The following LHFPL6 variants were observed in gnomAD, a reference collection of about 807,000 sequenced individuals.
LHFPL6 encodes the protein LHFPL tetraspan subfamily member 6.
In LHFPL6, 9 loss-of-function variants were observed where a neutral mutation model predicts 20.6. The ratio of observed to expected loss-of-function variants is 0.44; its 90% CI spans 0.26 to 0.76. The LOEUF (loss-of-function observed/expected upper bound fraction) is 0.76, where lower values mean the gene tolerates loss of function less well. Among genes scored for constraint, LHFPL6 ranks in the 30% least tolerant of loss-of-function variants. The probability of loss-of-function intolerance (pLI) is 0.20; values close to 1 mark genes in which losing one functional copy is unlikely to be tolerated. For missense variants in LHFPL6, 218 were observed against 253.5 expected (o/e 0.86, Z 0.95); for synonymous variants, 105 against 98.7 (o/e 1.06, Z -0.38).
rs1028988265 is a variant in LHFPL6 at position 39,452,959 on chromosome 13, T to C, written c.386-74433A>G. On this transcript the variant is annotated intron_variant, in intron 2 of 3. Coordinates refer to ENST00000379589, the MANE Select transcript of LHFPL6 (RefSeq NM_005780.3). Reference sequence around the variant, plus strand: ...TTCCCCCAGAGATAGTGATAGAGATTGTTACTTTTGCCAGAGGCAGCCTGG... The same window carrying C: ...TTCCCCCAGAGATAGTGATAGAGATCGTTACTTTTGCCAGAGGCAGCCTGG... Among the ~76,000 whole-genome samples, 8 of 152,218 alleles carry C rather than the reference T, an allele frequency of 5.3e-5. No individual in the cohort carries two copies. In the South Asian group the frequency reaches 1.4e-3, roughly 28 times the overall value.
At chr13:39,465,982 T>G (rs546647616) in intron 2 of LHFPL6, among the ~76,000 whole-genome samples, 5 of 151,988 alleles carry the variant, frequency 3.3e-5, no homozygotes, top group Non-Finnish European at 5.9e-5. Flanking sequence ...GGATCCTAAG[T>G]GTGGCACTAC....
intron 2 of LHFPL6, among the ~76,000 whole-genome samples, chr13:39,498,563 C>A (rs569379885): frequency 6.6e-6 from 1 of 152,308 alleles, no homozygotes; most frequent in South Asian, 2.1e-4. Flanking sequence ...GACTGAAAGT[C>A]TGAATAATTC....
intron 2 of LHFPL6, among the ~76,000 whole-genome samples, chr13:39,462,161 C>A (rs1423183755): frequency 1.3e-5 from 2 of 152,174 alleles, no homozygotes; most frequent in Non-Finnish European, 2.9e-5. Flanking sequence ...TGGCAACTAA[C>A]TCCCTTTCTC....
At chr13:39,472,799 T>TG (rs1566119406) in intron 2 of LHFPL6, among the ~76,000 whole-genome samples, 1 of 152,026 alleles carries the variant, frequency 6.6e-6, no homozygotes, top group Non-Finnish European at 1.5e-5. Flanking sequence ...ATTAGAGATA[T>TG]GGGGTTTCAC....
At chr13:39,502,276 G>C (rs769851551) in intron 2 of LHFPL6, among the ~76,000 whole-genome samples, 5 of 152,084 alleles carry the variant, frequency 3.3e-5, no homozygotes, top group Admixed American at 6.5e-5. Flanking sequence ...TCAGTGATTC[G>C]CAAATGCTCC....
chr13:39,581,502 CA>C (rs1465197967), intron 2 of LHFPL6, among the ~76,000 whole-genome samples: 1 of 105,398 alleles, frequency 9.5e-6, no homozygotes, highest in Non-Finnish European at 1.9e-5. Flanking sequence ...ACCAGGCGAT[CA>C]AAATAGAATA....
intron 2 of LHFPL6, among the ~76,000 whole-genome samples, chr13:39,557,499 C>A (rs967965138): frequency 3.9e-5 from 6 of 152,214 alleles, no homozygotes; most frequent in Admixed American, 2.6e-4. Context: ...AGTACACAGT[C>A]CCCACCAGGG....
At chr13:39,372,817 T>C (rs1320252425) in intron 3 of LHFPL6, among the ~76,000 whole-genome samples, 1 of 152,248 alleles carries the variant, frequency 6.6e-6, no homozygotes, top group Admixed American at 6.5e-5. Flanking sequence ...CTATTACTTA[T>C]ATTTTTGAAC....
At chr13:39,386,405 A>C (rs1593293761) in intron 2 of LHFPL6, among the ~76,000 whole-genome samples, 1 of 152,206 alleles carries the variant, frequency 6.6e-6, no homozygotes, top group East Asian at 1.9e-4. Flanking sequence ...GTTGCATTCT[A>C]GTAAACCACA....
chr13:39,400,598 A>C (rs1187926529), intron 2 of LHFPL6, among the ~76,000 whole-genome samples: 1 of 151,416 alleles, frequency 6.6e-6, no homozygotes, highest in Non-Finnish European at 1.5e-5. Flanking sequence ...CCCGGCTAAA[A>C]CGGTGAAACC....
At chr13:39,400,340 C>T (rs960951210) in intron 2 of LHFPL6, among the ~76,000 whole-genome samples, 5 of 152,206 alleles carry the variant, frequency 3.3e-5, no homozygotes, top group Non-Finnish European at 7.3e-5. Context: ...CACAGCCATA[C>T]AAGCCCCATT....
chr13:39,352,990 A>ATATATAATT (rs1263177836), intron 3 of LHFPL6, among the ~76,000 whole-genome samples: 118 of 84,244 alleles, frequency 1.4e-3, no homozygotes, highest in Middle Eastern at 6.3e-3. Context: ...TATATATATA[A>ATATATAATT]TTTTTTTTTT....
intron 2 of LHFPL6, among the ~76,000 whole-genome samples, chr13:39,398,464 T>A (rs540309454): frequency 6.6e-6 from 1 of 152,254 alleles, no homozygotes; most frequent in Non-Finnish European, 1.5e-5. Flanking sequence ...CCCTAAAGGG[T>A]AAAGCCTTTC....
At chr13:39,504,874 G>A (rs1171039521) in intron 2 of LHFPL6, among the ~76,000 whole-genome samples, 1 of 152,056 alleles carries the variant, frequency 6.6e-6, no homozygotes, top group Non-Finnish European at 1.5e-5. Context: ...AACCGCAGAG[G>A]AAATTGTATA....
At chr13:39,476,616 T>C (rs751724111) in intron 2 of LHFPL6, among the ~76,000 whole-genome samples, 7 of 152,188 alleles carry the variant, frequency 4.6e-5, no homozygotes, top group African/African-American at 9.7e-5. Flanking sequence ...TGCATTCTTA[T>C]TGCATTTCCT....
intron 2 of LHFPL6, among the ~76,000 whole-genome samples, chr13:39,524,229 ACTCATTTC>A (rs1436967995): frequency 3.3e-5 from 5 of 152,086 alleles, no homozygotes; most frequent in African/African-American, 1.2e-4. Context: ...GCCAGTCTAT[ACTCATTTC>A]CTATAGACTG....
chr13:39,422,573 C>T (rs193119582), intron 2 of LHFPL6, among the ~76,000 whole-genome samples: 618 of 99,790 alleles, frequency 6.2e-3, no homozygotes, highest in Admixed American at 9.1e-3. Context: ...GCAACAAGAG[C>T]GAAACTCCAA....
intron 2 of LHFPL6, among the ~76,000 whole-genome samples, chr13:39,561,198 G>A (rs543187466): frequency 6.6e-6 from 1 of 151,716 alleles, no homozygotes; most frequent in African/African-American, 2.4e-5. Flanking sequence ...ACCCCTCTCT[G>A]TCTCACTCTG....
intron 2 of LHFPL6, among the ~76,000 whole-genome samples, chr13:39,471,965 G>A (rs1370682103): frequency 6.6e-6 from 1 of 152,076 alleles, no homozygotes; most frequent in African/African-American, 2.4e-5. Context: ...GTGTGGATAG[G>A]ATACATGGAA....
Sources: gnomAD v4.1 joint callset for allele counts (sites outside exome capture counted in the v4.1 genomes callset) on GRCh38, gnomAD v4.1.1 for gene constraint, MANE v1.5 for transcripts, NCBI Gene and HGNC (gene_info 2026-07-23, HGNC 2026-07-21) for gene names.